Variants in AASS observed in about 807,000 individuals in gnomAD.
The protein encoded by AASS is alpha-aminoadipic semialdehyde synthase, mitochondrial.
AASS carries 86 observed loss-of-function variants against 105.4 expected under a neutral mutation model. That is an observed-to-expected ratio of 0.82 (90% CI 0.69 to 0.98). AASS has a LOEUF of 0.98. Among genes scored for constraint, AASS ranks in the 50% least tolerant of loss-of-function variants. The probability of loss-of-function intolerance (pLI) is 0.00; values close to 1 mark genes in which losing one functional copy is unlikely to be tolerated. For synonymous variants in AASS, 381 were observed against 394.8 expected (o/e 0.96, Z 0.41); for missense variants, 1,048 against 1,143.2 (o/e 0.92, Z 1.20).
chr7:122,113,778 C>T, intron 9 of AASS, 58 bp from the exon 10 acceptor site: 1 of 1,585,318 alleles, frequency 6.3e-7, no homozygotes, highest in Non-Finnish European at 8.5e-7. Flanking sequence ...TCCAACAAGA[C>T]TAAAAAAAAA....
At chr7:122,083,627 C>T (rs1384143680) in intron 19 of AASS, among the ~76,000 whole-genome samples, 1 of 151,778 alleles carries the variant, frequency 6.6e-6, no homozygotes, top group African/African-American at 2.4e-5. Flanking sequence ...AATTGTAGTA[C>T]AGTATTATAT....
chr7:122,120,527 C>T (rs925733561), intron 4 of AASS, among the ~76,000 whole-genome samples: 3 of 151,652 alleles, frequency 2.0e-5, no homozygotes, highest in African/African-American at 7.3e-5. Context: ...CATTGATTTT[C>T]TCTATTCTTT....
At chr7:122,129,339 A>G in intron 3 of AASS, 22 bp downstream of exon 3, 1 of 1,459,374 alleles carries the variant, frequency 6.9e-7, no homozygotes, top group Non-Finnish European at 9.2e-7. Flanking sequence ...ATTAATATTT[A>G]TAAATATTAA....
Position 122,092,949 on chromosome 7 carries a change from AC to A in AASS, c.1768del (p.Val590TrpfsTer22). 6.2e-7 allele frequency: 1 copy of A among 1,613,838 alleles called. No homozygotes were observed. The highest frequency in any genetic ancestry group is 8.5e-7 in the Non-Finnish European group (1 of 1,179,814). ...TPALKELEKSVEDAGITIIGE... is the reference protein window; with the variant it reads ...TPALKELEKSXEDAGITIIGE... ...AATGATTGTGATGCCAGCATCTTCC[AC>A]ACTGCAGCAGGTGGAAAGAGGAAAA... On this transcript the variant is annotated frameshift_variant and splice_region_variant, in exon 17 of 24. Transcript: ENST00000417368. LOFTEE classifies it high-confidence loss of function.
intron 18 of AASS, among the ~76,000 whole-genome samples, chr7:122,088,528 G>C (rs752318213): frequency 2.2e-4 from 33 of 152,144 alleles, no homozygotes; most frequent in Non-Finnish European, 3.5e-4. Flanking sequence ...CTTATTTCTG[G>C]ATCAGTATTT....
At chr7:122,089,185 T>C (rs1393349264) in intron 18 of AASS, among the ~76,000 whole-genome samples, 1 of 152,060 alleles carries the variant, frequency 6.6e-6, no homozygotes, top group African/African-American at 2.4e-5. Context: ...AGGTTTTAAG[T>C]TGTTCAACAA....
In AASS at chr7:122,093,050, C is replaced by T. The variant is rs760028300; in HGVS notation, c.1764G>A (p.Lys588=). The change falls in exon 16 of 24, where the codon AAG becomes AAA. Residue 588 remains lysine, a splice_region_variant and synonymous_variant. Coordinates refer to ENST00000417368, the MANE Select transcript of AASS (RefSeq NM_005763.4). ...YITPALKELE[K]SVEDAGITII... ...TGTTTAAAATGATTAAAACTTACCT[C>T]TTTTCCAATTCTTTTAGTGCTGGTG... is the stretch of plus-strand genomic sequence containing the variant. 1.9e-6 allele frequency: 3 copies of T among 1,613,582 alleles called. No homozygotes were observed. Among genetic ancestry groups the T allele is most frequent in the South Asian group, 2.2e-5 (2 of 91,080 alleles).
At chr7:122,113,489 C>G in intron 10 of AASS, 109 bp downstream of exon 10, 2 of 1,406,000 alleles carry the variant, frequency 1.4e-6, no homozygotes, top group Non-Finnish European at 2.0e-6. Flanking sequence ...TTGAGTATAT[C>G]TCTCCAAATT....
intron 18 of AASS, 130 bp downstream of exon 18, chr7:122,091,573 A>G: frequency 2.9e-6 from 4 of 1,396,928 alleles, no homozygotes; most frequent in South Asian, 1.2e-5. Flanking sequence ...ACACTGGGAA[A>G]CAACACAGGA....
At chr7:122,120,414 T>C (rs1357015080) in intron 4 of AASS, among the ~76,000 whole-genome samples, 1 of 152,086 alleles carries the variant, frequency 6.6e-6, no homozygotes, top group Non-Finnish European at 1.5e-5. Flanking sequence ...GATGGCCCCC[T>C]AGTATTCCTT....
chr7:122,139,524 T>C (rs565965019), intron 1 of AASS, among the ~76,000 whole-genome samples: 2 of 152,332 alleles, frequency 1.3e-5, no homozygotes, highest in South Asian at 2.1e-4. Flanking sequence ...AGAAAGCATT[T>C]TCCAAGCCAC....
chr7:122,097,282 TTTC>T (rs1794203407), intron 15 of AASS, among the ~76,000 whole-genome samples: 2 of 152,036 alleles, frequency 1.3e-5, no homozygotes, highest in Admixed American at 6.6e-5. Context: ...AACAGATAAC[TTTC>T]TTCTTCTCAT....
intron 1 of AASS, among the ~76,000 whole-genome samples, chr7:122,142,345 C>T (rs944584392): frequency 1.3e-5 from 2 of 151,830 alleles, no homozygotes; most frequent in Non-Finnish European, 2.9e-5. Flanking sequence ...AGCACAACCA[C>T]GCCGCTAACA....
At chr7:122,142,353 ACAGTAGACTCAC>A (rs148304073) in intron 1 of AASS, among the ~76,000 whole-genome samples, 1,866 of 152,002 alleles carry the variant, frequency 0.012, 42 homozygotes, top group African/African-American at 0.043. Flanking sequence ...CACGCCGCTA[ACAGTAGACTCAC>A]ATTTCTTTCC....
intron 11 of AASS, 37 bp from the exon 12 acceptor site, chr7:122,101,717 A>G: frequency 6.7e-7 from 1 of 1,501,812 alleles, no homozygotes; most frequent in Non-Finnish European, 9.3e-7. Flanking sequence ...GATAAATGAC[A>G]CTGCAAAGAA....
chr7:122,128,346 A>G (rs927963916), intron 3 of AASS, among the ~76,000 whole-genome samples: 3 of 152,040 alleles, frequency 2.0e-5, no homozygotes, highest in Non-Finnish European at 4.4e-5. Context: ...CCCACACTCA[A>G]TCTCGAATCT....
intron 15 of AASS, among the ~76,000 whole-genome samples, chr7:122,096,927 A>G (rs1464527781): frequency 1.3e-5 from 2 of 152,110 alleles, no homozygotes; most frequent in African/African-American, 4.8e-5. Context: ...CTGTGTGGCA[A>G]AATAAATTAT....
intron 2 of AASS, among the ~76,000 whole-genome samples, chr7:122,132,850 T>C (rs1288559356): frequency 1.3e-5 from 2 of 152,090 alleles, no homozygotes; most frequent in African/African-American, 4.8e-5. Context: ...CTGTTCTAGA[T>C]TGAAAGAACT....
intron 4 of AASS, among the ~76,000 whole-genome samples, chr7:122,124,381 C>T (rs1795563427): frequency 6.6e-6 from 1 of 152,184 alleles, no homozygotes; most frequent in Non-Finnish European, 1.5e-5. Context: ...CTCTCAGATT[C>T]AAGCAATTCT....
Sources: gnomAD v4.1 joint callset for allele counts (sites outside exome capture counted in the v4.1 genomes callset) on GRCh38, gnomAD v4.1.1 for gene constraint, MANE v1.5 for transcripts, NCBI Gene and HGNC (gene_info 2026-07-23, HGNC 2026-07-21) for gene names.